The following MYO9A variants were observed in gnomAD, a reference collection of about 807,000 sequenced individuals.
MYO9A encodes myosin IXA, also known as unconventional myosin-IXa.
MYO9A carries 103 observed loss-of-function variants against 293.3 expected under a neutral mutation model. The observed-to-expected ratio is 0.35, with a 90% CI of 0.30 to 0.41. The LOEUF is 0.41. Among genes scored for constraint, MYO9A ranks in the 10% least tolerant of loss-of-function variants. MYO9A has a pLI of 1.00. For synonymous variants in MYO9A, 1,001 were observed against 1,035.7 expected (o/e 0.97, Z 0.64); for missense variants, 2,685 against 3,033.0 (o/e 0.89, Z 2.69).
chr15:72,052,217 C>G (rs910000829), intron 1 of MYO9A, among the ~76,000 whole-genome samples: 2 of 152,096 alleles, frequency 1.3e-5, no homozygotes, highest in African/African-American at 4.8e-5. Context: ...GAAGAGATAT[C>G]CAACTACCAG....
At chr15:71,882,770 C>T (rs2056912106) in intron 28 of MYO9A, among the ~76,000 whole-genome samples, 1 of 152,130 alleles carries the variant, frequency 6.6e-6, no homozygotes, top group South Asian at 2.1e-4. Context: ...CTTAGCTCTT[C>T]CAGTTACTAT....
intron 18 of MYO9A, among the ~76,000 whole-genome samples, chr15:71,918,839 C>A (rs1217825563): frequency 6.6e-6 from 1 of 152,188 alleles, no homozygotes; most frequent in Non-Finnish European, 1.5e-5. Flanking sequence ...ATTAGAAAAT[C>A]TTTGCTGTCA....
chr15:72,094,334 G>A lies in MYO9A; in HGVS notation c.-72+23346C>T, dbSNP rs1410265660. On this transcript the variant is annotated intron_variant, in intron 1 of 41. Transcript: ENST00000356056. ...ATATATAGACATACCTCATTTTATC[G>A]CACTTTGCTTTATTGCACTTCACAG... 4.1e-5 allele frequency among the ~76,000 whole-genome samples: 3 copies of A among 72,876 alleles called. 1 individual carries two copies. The highest frequency in any genetic ancestry group is 3.5e-4 in the Admixed American group (2 of 5,638). The allele number at this position is 72,876 out of a possible 152,430, so 47.8% of individuals were successfully genotyped here.
intron 28 of MYO9A, among the ~76,000 whole-genome samples, chr15:71,882,742 G>GAC (rs1342296320): frequency 1.4e-4 from 21 of 152,252 alleles, no homozygotes; most frequent in South Asian, 2.1e-4. Context: ...TCTGGAGCAG[G>GAC]ACTGCCTAGA....
intron 33 of MYO9A, among the ~76,000 whole-genome samples, chr15:71,860,979 A>AAAAAAAAAAAAAAAAAC (rs2056096278): frequency 6.6e-6 from 1 of 150,430 alleles, no homozygotes; most frequent in Admixed American, 6.6e-5. Flanking sequence ...CAAAAAAAAA[A>AAAAAAAAAAAAAAAAAC]AAAAAAAAAA....
chr15:71,957,485 C>CT lies in MYO9A; in HGVS notation c.2182+2415dup, dbSNP rs993991265. 2.5e-3 allele frequency among the ~76,000 whole-genome samples: 365 copies of CT among 148,134 alleles called. 2 individuals carry two copies. Among genetic ancestry groups the CT allele is most frequent in the African/African-American group, 6.0e-3 (245 of 40,498 alleles). On this transcript the variant is annotated intron_variant, in intron 14 of 41. Transcript: ENST00000356056. ...ACAGAAGTAATTTATAAAAAAAGTC[C>CT]TTTTTTTTTTAACAAAAGTTTATTT... is the stretch of plus-strand genomic sequence containing the variant.
At chr15:72,037,261 C>CA (rs61042231) in intron 2 of MYO9A, among the ~76,000 whole-genome samples, 24 of 74,264 alleles carry the variant, frequency 3.2e-4, no homozygotes, top group East Asian at 1.4e-3. Context: ...CAGAATGGGG[C>CA]AAAAAAAAAA....
At chr15:71,989,794 G>A (rs907005978) in intron 11 of MYO9A, among the ~76,000 whole-genome samples, 11 of 152,192 alleles carry the variant, frequency 7.2e-5, no homozygotes, top group African/African-American at 2.7e-4. Flanking sequence ...GGGAGGTCAA[G>A]GTGGGAGGAC....
chr15:71,829,737 A>G (rs1022829327), intron 40 of MYO9A, among the ~76,000 whole-genome samples: 7 of 152,156 alleles, frequency 4.6e-5, no homozygotes, highest in African/African-American at 1.7e-4. Context: ...AAATCTGTTC[A>G]TGGAGGCTGG....
chr15:71,866,079 C>T (rs1023163575), intron 32 of MYO9A, among the ~76,000 whole-genome samples: 1 of 152,194 alleles, frequency 6.6e-6, no homozygotes, highest in African/African-American at 2.4e-5. Flanking sequence ...ACAAAGTTTG[C>T]AGGCACTGCC....
chr15:71,922,813 CTAATG>C (rs1323985495), intron 18 of MYO9A, among the ~76,000 whole-genome samples: 2 of 152,148 alleles, frequency 1.3e-5, no homozygotes, highest in Admixed American at 1.3e-4. Context: ...TTGATAATTA[CTAATG>C]TACTTAACAT....
chr15:71,932,823 A>G (rs2058515822), intron 18 of MYO9A, among the ~76,000 whole-genome samples: 1 of 152,090 alleles, frequency 6.6e-6, no homozygotes, highest in Admixed American at 6.6e-5. Context: ...ACACGCATCA[A>G]TAGTTTATTC....
intron 8 of MYO9A, among the ~76,000 whole-genome samples, chr15:72,006,377 A>C (rs2077017838): frequency 6.6e-6 from 1 of 152,190 alleles, no homozygotes; most frequent in Non-Finnish European, 1.5e-5. Context: ...CTGGGATTGC[A>C]GGCATGAGCC....
chr15:72,005,427 C>G (rs543289835), intron 8 of MYO9A, among the ~76,000 whole-genome samples: 3 of 152,260 alleles, frequency 2.0e-5, no homozygotes, highest in African/African-American at 7.2e-5. Flanking sequence ...ACTGCCTAGA[C>G]TTATAAGTAA....
intron 39 of MYO9A, among the ~76,000 whole-genome samples, chr15:71,844,140 C>T (rs879859785): frequency 5.3e-5 from 8 of 152,192 alleles, no homozygotes; most frequent in Non-Finnish European, 8.8e-5. Flanking sequence ...TTAAACTCAT[C>T]CCTTAAGAGC....
intron 32 of MYO9A, among the ~76,000 whole-genome samples, chr15:71,868,988 T>C (rs1596069357): frequency 6.6e-6 from 1 of 152,320 alleles, no homozygotes; most frequent in East Asian, 1.9e-4. Context: ...TGGCACTTCC[T>C]TTGAGCTAAA....
chr15:71,997,547 C>T (rs531962700), intron 9 of MYO9A, among the ~76,000 whole-genome samples: 4 of 151,738 alleles, frequency 2.6e-5, no homozygotes, highest in East Asian at 1.9e-4. Context: ...TTGCAGTGAG[C>T]GAGATCACAC....
At chr15:71,925,258 CAT>C (rs2058271134) in intron 18 of MYO9A, among the ~76,000 whole-genome samples, 1 of 147,238 alleles carries the variant, frequency 6.8e-6, no homozygotes, top group African/African-American at 2.5e-5. Context: ...TACGTATACA[CAT>C]ATATACATAT....
chr15:72,011,217 G>A (rs2077163968), intron 6 of MYO9A, among the ~76,000 whole-genome samples: 1 of 151,786 alleles, frequency 6.6e-6, no homozygotes, highest in African/African-American at 2.4e-5. Context: ...TCACCACATT[G>A]CCCAGGCTAG....
Sources: allele counts gnomAD v4.1 joint callset (sites outside exome capture counted in the v4.1 genomes callset), GRCh38; gene constraint gnomAD v4.1.1; transcripts MANE v1.5; gene names NCBI Gene and HGNC (gene_info 2026-07-23, HGNC 2026-07-21).